The following DAG1 variants were observed in gnomAD, a reference collection of about 807,000 sequenced individuals.
DAG1 encodes dystroglycan 1, also known as dystroglycan 1 (dystrophin-associated glycoprotein 1).
A neutral mutation model predicts 46.1 loss-of-function variants in DAG1; 8 were observed. The ratio of observed to expected loss-of-function variants is 0.17; its 90% CI spans 0.10 to 0.31. The LOEUF is 0.31. DAG1 is among the 10% of genes least tolerant of loss of function. The pLI, the probability that DAG1 is intolerant of heterozygous loss-of-function variation, is 1.00. For missense variants in DAG1, 1,003 were observed against 1,189.9 expected, an observed-to-expected ratio of 0.84 and a Z score of 2.31; for synonymous variants, 495 against 481.8, an observed-to-expected ratio of 1.03 and a Z score of -0.36.
At chr3:49,526,205 A>AG (rs1463856781) in intron 2 of DAG1, among the ~76,000 whole-genome samples, 2 of 152,232 alleles carry the variant, frequency 1.3e-5, no homozygotes, top group Admixed American at 1.3e-4. Flanking sequence ...GAACAGCACT[A>AG]GGGGGGTGGT....
rs192339347 is a variant in DAG1 at position 49,482,660 on chromosome 3, A to G, written c.-117+12227A>G. Among the ~76,000 whole-genome samples the G allele has an allele frequency of 3.3e-5, 5 of 152,282 alleles. No individual in the cohort carries two copies. In the East Asian group the frequency reaches 9.6e-4, roughly 29 times the overall value. ...CTATTGCTTACATGTTTTTGTCCTTATTATGATGCAAATATTACACCATTT... is the reference window on the plus strand; with the variant it reads ...CTATTGCTTACATGTTTTTGTCCTTGTTATGATGCAAATATTACACCATTT... On this transcript the variant is annotated intron_variant, in intron 1 of 2. Transcript: ENST00000308775.
chr3:49,531,888 G>C lies in DAG1; in HGVS notation c.1377G>C (p.Val459=). The C allele has an allele frequency of 6.2e-7, 1 of 1,614,010 alleles. No individual in the cohort carries two copies. Among genetic ancestry groups the C allele is most frequent in the Non-Finnish European group, 8.5e-7 (1 of 1,180,032 alleles). ...PTKKPRTPRP[V]PRVTTKVSIT... is the part of the protein sequence containing the mutation. ...AGAAACCACGGACACCCCGGCCAGTGCCCCGGGTCACCACCAAAGTTTCCA... is the reference window on the plus strand; with the variant it reads ...AGAAACCACGGACACCCCGGCCAGTCCCCCGGGTCACCACCAAAGTTTCCA... Residue 459 remains valine, a synonymous_variant, in exon 3 of 3, where the codon GTG becomes GTC. Coordinates refer to ENST00000308775, the MANE Select transcript of DAG1 (RefSeq NM_004393.6). This position sits in a 1 kb window ranked among gnomAD's most constrained non-coding sequence, Gnocchi z 7.0.
At chr3:49,472,157 AG>A (rs2049538597) in intron 1 of DAG1, among the ~76,000 whole-genome samples, 1 of 152,118 alleles carries the variant, frequency 6.6e-6, no homozygotes, top group African/African-American at 2.4e-5. Context: ...ACCTGTGTTT[AG>A]AAAGATATTG....
At chr3:49,526,101 T>G (rs1406224783) in intron 2 of DAG1, among the ~76,000 whole-genome samples, 1 of 152,220 alleles carries the variant, frequency 6.6e-6, no homozygotes. Context: ...TCCACCCACC[T>G]CAGCCTCCCA....
intron 2 of DAG1, among the ~76,000 whole-genome samples, chr3:49,516,906 G>A (rs2050912310): frequency 6.6e-6 from 1 of 151,428 alleles, no homozygotes; most frequent in African/African-American, 2.4e-5. Context: ...ATTTTTAGAT[G>A]ACAAAGTGGT....
chr3:49,495,913 TCC>T (rs2050298386), intron 1 of DAG1, among the ~76,000 whole-genome samples: 1 of 151,120 alleles, frequency 6.6e-6, no homozygotes, highest in South Asian at 2.1e-4. Flanking sequence ...AGAGCGAGAC[TCC>T]GTCTCAAAAA....
At position 49,531,728 on chromosome 3, in the gene DAG1, C is replaced by A. The variant is rs1398739472; in HGVS notation, c.1217C>A (p.Thr406Asn). 1 of 1,614,092 alleles carries A rather than the reference C, an allele frequency of 6.2e-7. No individual in the cohort carries two copies. The change falls in exon 3 of 3, where the codon ACC (threonine) becomes AAC (asparagine). Residue 406 changes from threonine to asparagine, a missense_variant. Around this residue, in one of 3 missense-constraint regions of DAG1, gnomAD observed 755 missense variants for 854.1 expected, o/e 0.88. Transcript: ENST00000308775. This position sits in a 1 kb window ranked among gnomAD's most constrained non-coding sequence, Gnocchi z 7.0. ...CCTGGCCAGATTCGCCCAACGATGA[C>A]CATTCCTGGCTATGTGGAGCCTACT... ...TVPGQIRPTM[T>N]IPGYVEPTAV...
Position 49,533,420 on chromosome 3 carries a change from C to T in DAG1, c.*221C>T. The T allele has an allele frequency of 1.4e-6, 1 of 738,668 alleles. No individual in the cohort carries two copies. Among genetic ancestry groups the T allele is most frequent in the East Asian group, 2.7e-5 (1 of 36,924 alleles). 45.8% of individuals were successfully genotyped at this position (738,668 alleles called of 1,614,324 possible). Reference sequence around the variant, plus strand: ...GGACTTTTTTATTTTTATTTTTTGCCTAACAGCTTTTGGTTTGTTCATAGA... The same window carrying T: ...GGACTTTTTTATTTTTATTTTTTGCTTAACAGCTTTTGGTTTGTTCATAGA... On this transcript the variant is annotated 3_prime_UTR_variant, in exon 3 of 3. Transcript: ENST00000308775.
intron 2 of DAG1, among the ~76,000 whole-genome samples, chr3:49,521,813 TGGTCATG>T (rs1316066595): frequency 4.6e-5 from 7 of 151,516 alleles, no homozygotes; most frequent in South Asian, 4.2e-4. Context: ...CCCTGGTCAT[TGGTCATG>T]GTGATTTATT....
At chr3:49,493,748 C>A (rs1228203773) in intron 1 of DAG1, among the ~76,000 whole-genome samples, 1 of 152,148 alleles carries the variant, frequency 6.6e-6, no homozygotes, top group African/African-American at 2.4e-5. Context: ...AGCCCAGGAG[C>A]CTTGCGTTCA....
Position 49,470,353 on chromosome 3 carries a change from C to T in DAG1, c.-197C>T, listed in dbSNP as rs2049475818. 1.3e-5 allele frequency: 2 copies of T among 152,720 alleles called. No homozygotes were observed. Among genetic ancestry groups the T allele is most frequent in the African/African-American group, 2.4e-5 (1 of 41,450 alleles). The allele number at this position is 152,720 out of a possible 1,614,324, so 9.5% of individuals were successfully genotyped here. On this transcript the variant is annotated 5_prime_UTR_variant, in exon 1 of 3. Transcript: ENST00000308775. The stretch of plus-strand genomic sequence containing the variant: ...GGTGGCGGCGGCGGCAGCTTCGCGC[C>T]GAATCCCCGGGGAGCGGCGGTGGCG...
chr3:49,489,643 C>G (rs763119601), intron 1 of DAG1, among the ~76,000 whole-genome samples: 4 of 152,114 alleles, frequency 2.6e-5, no homozygotes, highest in Non-Finnish European at 5.9e-5. Context: ...GAAAACATAG[C>G]TCAATGTAGT....
chr3:49,513,970 C>A (rs1169628710), intron 2 of DAG1, among the ~76,000 whole-genome samples: 1 of 152,082 alleles, frequency 6.6e-6, no homozygotes, highest in Non-Finnish European at 1.5e-5. Context: ...TGAACTGATA[C>A]AGCAAACTAG....
At chr3:49,516,479 C>T (rs921331274) in intron 2 of DAG1, among the ~76,000 whole-genome samples, 8 of 152,248 alleles carry the variant, frequency 5.3e-5, no homozygotes, top group African/African-American at 1.7e-4. Flanking sequence ...TTTCAAATGA[C>T]TTCTTGTTGT....
At chr3:49,476,926 C>G (rs191978361) in intron 1 of DAG1, 6 of 152,284 alleles carry the variant, frequency 3.9e-5, no homozygotes, top group African/African-American at 1.2e-4. Context: ...TGAAAAGAGA[C>G]ATTTCTGCAA....
chr3:49,503,349 C>G (rs113602456), intron 1 of DAG1, among the ~76,000 whole-genome samples: 5 of 152,192 alleles, frequency 3.3e-5, no homozygotes, highest in African/African-American at 9.7e-5. Flanking sequence ...TGTAAGTTTA[C>G]TGCTATTCAG....
chr3:49,514,493 CAG>C (rs1464710774), intron 2 of DAG1, among the ~76,000 whole-genome samples: 2 of 151,612 alleles, frequency 1.3e-5, no homozygotes, highest in African/African-American at 4.8e-5. Context: ...TTTTTTGAGA[CAG>C]AGTCTCACTT....
chr3:49,513,751 G>A (rs2050822904), intron 2 of DAG1, among the ~76,000 whole-genome samples: 1 of 152,180 alleles, frequency 6.6e-6, no homozygotes, highest in African/African-American at 2.4e-5. Context: ...AGTTTGCAGA[G>A]TGTTTGCATA....
intron 1 of DAG1, among the ~76,000 whole-genome samples, chr3:49,509,266 G>A (rs756124650): frequency 5.9e-5 from 9 of 152,160 alleles, no homozygotes; most frequent in Non-Finnish European, 1.2e-4. Context: ...GACACTGTCT[G>A]TACAAAAGAT....
Sources: gnomAD v4.1 joint callset for allele counts (sites outside exome capture counted in the v4.1 genomes callset) on GRCh38, gnomAD v4.1.1 for gene constraint, gnomAD v4.1.1 regional missense constraint, Gnocchi (gnomAD v3.1) non-coding constraint, MANE v1.5 for transcripts, NCBI Gene and HGNC (gene_info 2026-07-23, HGNC 2026-07-21) for gene names.